RBMS3: variants seen among roughly 807,000 people sequenced by gnomAD.
RBMS3 encodes RNA-binding motif, single-stranded-interacting protein 3.
In RBMS3, 27 loss-of-function variants were observed where a neutral mutation model predicts 66.8. That is an observed-to-expected ratio of 0.40 (90% CI 0.30 to 0.56). The LOEUF is 0.56. Among genes scored for constraint, RBMS3 ranks in the 20% least tolerant of loss-of-function variants. RBMS3 has a pLI of 0.40. For missense variants in RBMS3, 513 were observed against 549.5 expected, an observed-to-expected ratio of 0.93 and a Z score of 0.66; for synonymous variants, 188 against 183.0, an observed-to-expected ratio of 1.03 and a Z score of -0.22.
chr3:29,434,973 A>C (rs569890214), intron 2 of RBMS3, 58 bp downstream of exon 2: 1 of 1,528,708 alleles, frequency 6.5e-7, no homozygotes, highest in African/African-American at 1.4e-5. Context: ...CTTGGTGGGC[A>C]GGATGTGTTA....
At chr3:29,771,730 C>A (rs537929759) in intron 6 of RBMS3, among the ~76,000 whole-genome samples, 1 of 152,018 alleles carries the variant, frequency 6.6e-6, no homozygotes, top group East Asian at 1.9e-4. Context: ...GGAAGTGTGG[C>A]TGGAGAAGAC....
chr3:29,336,499 G>A (rs1559497794), intron 1 of RBMS3, among the ~76,000 whole-genome samples: 1 of 151,862 alleles, frequency 6.6e-6, no homozygotes, highest in Non-Finnish European at 1.5e-5. Flanking sequence ...CGGTGTTTGT[G>A]GCCTCAACCC....
At chr3:29,897,527 G>A (rs2060152380) in intron 9 of RBMS3, 52 bp downstream of exon 9, 2 of 1,506,390 alleles carry the variant, frequency 1.3e-6, no homozygotes, top group African/African-American at 2.8e-5. Flanking sequence ...CAGTAATACA[G>A]TATTTAGAGG....
In RBMS3 at chr3:29,925,886, A is replaced by G. The variant is rs79107131; in HGVS notation, c.940-10200A>G. Among the ~76,000 whole-genome samples, 475 of 152,324 alleles carry G rather than the reference A, an allele frequency of 3.1e-3. 2 individuals are homozygous for G. Among genetic ancestry groups the G allele is most frequent in the African/African-American group, 0.011 (445 of 41,570 alleles). On this transcript the variant is annotated intron_variant, in intron 10 of 14. Transcript: ENST00000383767. The stretch of plus-strand genomic sequence containing the variant: ...TAAAAAAAATGTTAAAATTAATCAT[A>G]TAGTATTACTGCTTAGGAGAAATGG...
At chr3:29,779,054 C>T (rs1218260965) in intron 6 of RBMS3, among the ~76,000 whole-genome samples, 1 of 151,710 alleles carries the variant, frequency 6.6e-6, no homozygotes, top group Non-Finnish European at 1.5e-5. Flanking sequence ...GTCAAAGATT[C>T]CTCCTTGAGA....
intron 1 of RBMS3, among the ~76,000 whole-genome samples, chr3:29,360,167 T>C (rs1232471736): frequency 3.3e-5 from 5 of 152,124 alleles, no homozygotes; most frequent in Non-Finnish European, 5.9e-5. Flanking sequence ...CTTTTCTGCT[T>C]TCTCTTGTGG....
intron 4 of RBMS3, among the ~76,000 whole-genome samples, chr3:29,619,301 T>C (rs1228225410): frequency 6.9e-6 from 1 of 144,834 alleles, no homozygotes; most frequent in Non-Finnish European, 1.6e-5. Context: ...AAGAAAACAG[T>C]TTTAGTTTAA....
At chr3:29,459,292 A>T (rs1004331008) in intron 2 of RBMS3, among the ~76,000 whole-genome samples, 5 of 152,214 alleles carry the variant, frequency 3.3e-5, no homozygotes, top group Admixed American at 3.3e-4. Context: ...CGATTTCATG[A>T]TAAACTATTA....
At chr3:29,868,447 C>A (rs985684808) in intron 6 of RBMS3, among the ~76,000 whole-genome samples, 1 of 152,082 alleles carries the variant, frequency 6.6e-6, no homozygotes, top group Non-Finnish European at 1.5e-5. Flanking sequence ...GAAAGAAGCT[C>A]CTAATCATCT....
At chr3:29,360,935 G>C (rs1024611272) in intron 1 of RBMS3, among the ~76,000 whole-genome samples, 4 of 151,920 alleles carry the variant, frequency 2.6e-5, no homozygotes, top group African/African-American at 9.7e-5. Flanking sequence ...TTGAGCCTAT[G>C]TGTGTCTCTG....
intron 10 of RBMS3, among the ~76,000 whole-genome samples, chr3:29,901,138 A>G (rs762054526): frequency 6.6e-6 from 1 of 151,656 alleles, no homozygotes; most frequent in Non-Finnish European, 1.5e-5. Flanking sequence ...CATCTAGTCT[A>G]TGTTCTATAA....
At chr3:29,490,495 T>G (rs180752742) in intron 3 of RBMS3, among the ~76,000 whole-genome samples, 1 of 152,264 alleles carries the variant, frequency 6.6e-6, no homozygotes, top group Non-Finnish European at 1.5e-5. Flanking sequence ...CCTGTGCCTC[T>G]TGGTGAGGTA....
chr3:29,884,221 C>T lies in RBMS3; in HGVS notation c.791+13C>T, dbSNP rs1286567941. On this transcript the variant is annotated intron_variant, in intron 8 of 14. Transcript: ENST00000383767. ...CCATACAGAATGGGTAAGTAGATCA[C>T]ATTTTCTCTATTTTAATTGTGAATA... The T allele has an allele frequency of 3.1e-6, 5 of 1,600,740 alleles. No individual in the cohort carries two copies. Among genetic ancestry groups the T allele is most frequent in the Non-Finnish European group, 4.3e-6 (5 of 1,169,132 alleles).
intron 14 of RBMS3, 28 bp from the exon 15 acceptor site, chr3:30,003,828 G>C: frequency 7.2e-7 from 1 of 1,397,186 alleles, no homozygotes; most frequent in Non-Finnish European, 9.4e-7. Context: ...TTAATTTAAT[G>C]ACCACTCTTA....
chr3:29,332,103 A>C (rs1222122655), intron 1 of RBMS3, among the ~76,000 whole-genome samples: 1 of 152,094 alleles, frequency 6.6e-6, no homozygotes, highest in East Asian at 1.9e-4. Flanking sequence ...TTGTGATAAC[A>C]GTCTTTGTGA....
intron 6 of RBMS3, among the ~76,000 whole-genome samples, chr3:29,847,797 A>T (rs1378602717): frequency 6.6e-6 from 1 of 152,100 alleles, no homozygotes. Flanking sequence ...CTGGGACTAC[A>T]GGCGCTCGCC....
chr3:29,981,255 C>G (rs903619739), intron 12 of RBMS3, among the ~76,000 whole-genome samples: 1 of 152,122 alleles, frequency 6.6e-6, no homozygotes, highest in Non-Finnish European at 1.5e-5. Context: ...TATAGAAATG[C>G]TTGTGATTTT....
chr3:29,349,615 C>G (rs1418124423), intron 1 of RBMS3, among the ~76,000 whole-genome samples: 6 of 152,158 alleles, frequency 3.9e-5, no homozygotes, highest in Non-Finnish European at 8.8e-5. Flanking sequence ...TTGGTTTGCA[C>G]TAATTTTTAA....
chr3:29,329,539 T>TA (rs2035529427), intron 1 of RBMS3, among the ~76,000 whole-genome samples: 1 of 152,108 alleles, frequency 6.6e-6, no homozygotes. Flanking sequence ...ACTCGCAGAA[T>TA]ATCATATAGA....
Sources: allele counts gnomAD v4.1 joint callset (sites outside exome capture counted in the v4.1 genomes callset), GRCh38; gene constraint gnomAD v4.1.1; transcripts MANE v1.5; gene names NCBI Gene and HGNC (gene_info 2026-07-23, HGNC 2026-07-21).